The following RBFOX1 variants were observed in gnomAD, a reference collection of about 807,000 sequenced individuals.
The protein encoded by RBFOX1 is RNA binding protein fox-1 homolog 1.
A neutral mutation model predicts 57.7 loss-of-function variants in RBFOX1; 8 were observed. That is an observed-to-expected ratio of 0.14 (90% confidence interval 0.08 to 0.25). The LOEUF (loss-of-function observed/expected upper bound fraction) is 0.25. Among genes scored for constraint, RBFOX1 ranks in the 10% least tolerant of loss-of-function variants. The pLI is 1.00. For missense variants in RBFOX1, 611 were observed against 548.5 expected, an observed-to-expected ratio of 1.11 and a Z score of -1.14; for synonymous variants, 326 against 222.4, an observed-to-expected ratio of 1.47 and a Z score of -4.15.
chr16:6,170,533 T>A (rs1386132132), intron 1 of RBFOX1, among the ~76,000 whole-genome samples: 1 of 152,166 alleles, frequency 6.6e-6, no homozygotes, highest in Non-Finnish European at 1.5e-5. Context: ...AAGCAAAAAA[T>A]AAAAATAAAA....
intron 3 of RBFOX1, among the ~76,000 whole-genome samples, chr16:5,787,224 A>C (rs1379487270): frequency 1.3e-5 from 2 of 152,174 alleles, no homozygotes; most frequent in African/African-American, 2.4e-5. Context: ...TCACTGGGAG[A>C]AAAGGGAACA....
chr16:7,678,915 A>T (rs2074060797), intron 14 of RBFOX1, among the ~76,000 whole-genome samples: 1 of 152,186 alleles, frequency 6.6e-6, no homozygotes, highest in Non-Finnish European at 1.5e-5. Flanking sequence ...TTAGTACCAT[A>T]GTTTCAGTTG....
At chr16:5,541,833 C>G (rs2044965896) in intron 2 of RBFOX1, among the ~76,000 whole-genome samples, 2 of 152,250 alleles carry the variant, frequency 1.3e-5, no homozygotes, top group African/African-American at 4.8e-5. Flanking sequence ...GGTTATTCCT[C>G]TCTTAGTTGG....
At chr16:5,772,589 T>A (rs1195528210) in intron 3 of RBFOX1, among the ~76,000 whole-genome samples, 3 of 152,234 alleles carry the variant, frequency 2.0e-5, no homozygotes, top group Non-Finnish European at 4.4e-5. Context: ...TGCAAGTATT[T>A]ATTCATGGCT....
At chr16:6,854,670 C>T (rs935036704) in intron 3 of RBFOX1, among the ~76,000 whole-genome samples, 7 of 140,010 alleles carry the variant, frequency 5.0e-5, no homozygotes, top group Admixed American at 2.4e-4. Flanking sequence ...TCTGGGCTCA[C>T]TGCAAGCTCC....
rs571527573 is a variant in RBFOX1, at chr16:5,730,626, C to G, written c.318+131665C>G. Among the ~76,000 whole-genome samples, 14 of 151,844 alleles carry G rather than the reference C, an allele frequency of 9.2e-5. No individual in the cohort carries two copies. In the South Asian group the frequency reaches 1.9e-3, roughly 20 times the overall value. The stretch of plus-strand genomic sequence containing the variant: ...ACCACTGCCGTTGTCACCACTGTCA[C>G]CATCATCATCACTACCACACCACCA... On this transcript the variant is annotated intron_variant, in intron 3 of 19. Coordinates refer to the RBFOX1 transcript ENST00000641259.
intron 3 of RBFOX1, among the ~76,000 whole-genome samples, chr16:5,633,790 C>G (rs1022306104): frequency 6.6e-6 from 1 of 151,152 alleles, no homozygotes; most frequent in African/African-American, 2.4e-5. Context: ...AGGAGAATGG[C>G]TAGAACCCAG....
intron 2 of RBFOX1, among the ~76,000 whole-genome samples, chr16:6,636,044 T>A (rs77296650): frequency 0.018 from 2,693 of 152,302 alleles, 84 homozygotes; most frequent in African/African-American, 0.061. Context: ...TAATTTATGC[T>A]TGAAACAGTT....
At chr16:7,684,992 T>C (rs1039177081) in intron 14 of RBFOX1, among the ~76,000 whole-genome samples, 1 of 152,054 alleles carries the variant, frequency 6.6e-6, no homozygotes, top group Non-Finnish European at 1.5e-5. Flanking sequence ...TTTGAGTGGA[T>C]CATCTAAAAA....
At chr16:6,532,909 A>G (rs1452074339) in intron 2 of RBFOX1, among the ~76,000 whole-genome samples, 2 of 152,178 alleles carry the variant, frequency 1.3e-5, no homozygotes. Context: ...CACCAACACC[A>G]CTGGTCACTC....
intron 1 of RBFOX1, among the ~76,000 whole-genome samples, chr16:6,300,617 C>T (rs1419355452): frequency 6.6e-6 from 1 of 152,152 alleles, no homozygotes; most frequent in South Asian, 2.1e-4. Context: ...TTCATCTTTC[C>T]AATTTCCCTC....
chr16:6,398,869 TGCTCCAGTGGGACTCTGTCTGGGG>T (rs2092949509), intron 2 of RBFOX1, among the ~76,000 whole-genome samples: 1 of 152,230 alleles, frequency 6.6e-6, no homozygotes, highest in Non-Finnish European at 1.5e-5. Flanking sequence ...CACTAGGCGG[TGCTCCAGTGGGACTCTGTCTGGGG>T]GCTCCAGCCC....
intron 1 of RBFOX1, among the ~76,000 whole-genome samples, chr16:6,235,487 A>G (rs11640884): frequency 0.21 from 31,992 of 151,866 alleles, 4,243 homozygotes; most frequent in East Asian, 0.45. Context: ...CAATTGCAAA[A>G]ATATAGAACC....
At chr16:7,414,309 G>C (rs983585843) in intron 4 of RBFOX1, among the ~76,000 whole-genome samples, 5 of 152,210 alleles carry the variant, frequency 3.3e-5, no homozygotes, top group Admixed American at 2.6e-4. Flanking sequence ...CACTGGCCAG[G>C]TTATGGGAAG....
chr16:6,509,427 C>G (rs1007958727), intron 2 of RBFOX1, among the ~76,000 whole-genome samples: 13 of 152,064 alleles, frequency 8.5e-5, no homozygotes, highest in African/African-American at 3.1e-4. Context: ...TGCAATAAGC[C>G]AGGCACAGAA....
intron 1 of RBFOX1, among the ~76,000 whole-genome samples, chr16:5,340,840 C>A (rs372774962): frequency 1.3e-5 from 2 of 152,122 alleles, no homozygotes; most frequent in Non-Finnish European, 2.9e-5. Context: ...ACAAGCACAA[C>A]AGACAAGTCC....
chr16:5,780,410 T>C (rs1194111625), intron 3 of RBFOX1, among the ~76,000 whole-genome samples: 2 of 152,264 alleles, frequency 1.3e-5, no homozygotes, highest in Non-Finnish European at 2.9e-5. Flanking sequence ...TTCATCCATG[T>C]ATCCAACATT....
intron 3 of RBFOX1, among the ~76,000 whole-genome samples, chr16:6,799,495 G>C (rs1415331619): frequency 2.6e-5 from 4 of 152,116 alleles, no homozygotes; most frequent in African/African-American, 9.7e-5. Flanking sequence ...AACTTGATTG[G>C]ATTGAAGGAT....
At chr16:5,397,358 G>T (rs1567446811) in intron 1 of RBFOX1, among the ~76,000 whole-genome samples, 1 of 152,208 alleles carries the variant, frequency 6.6e-6, no homozygotes, top group South Asian at 2.1e-4. Context: ...TCTGAGTGCT[G>T]GGATCAGCAT....
Sources: allele counts gnomAD v4.1 joint callset (sites outside exome capture counted in the v4.1 genomes callset), GRCh38; gene constraint gnomAD v4.1.1; transcripts MANE v1.5; gene names NCBI Gene and HGNC (gene_info 2026-07-23, HGNC 2026-07-21).